ANKS1B: variants seen among roughly 807,000 people sequenced by gnomAD.
The protein encoded by ANKS1B is ankyrin repeat and sterile alpha motif domain containing 1B.
In ANKS1B, 36 loss-of-function variants were observed where a neutral mutation model predicts 148.3. The ratio of observed to expected loss-of-function variants is 0.24; its 90% CI spans 0.19 to 0.32. The LOEUF (loss-of-function observed/expected upper bound fraction) is 0.32, where lower values mean the gene tolerates loss of function less well. ANKS1B is among the 10% of genes least tolerant of loss of function. The pLI is 1.00. For synonymous variants in ANKS1B, 542 were observed against 560.8 expected, an observed-to-expected ratio of 0.97 and a Z score of 0.47; for missense variants, 1,157 against 1,542.6, an observed-to-expected ratio of 0.75 and a Z score of 4.19.
chr12:99,829,295 G>A (rs1056337371), intron 1 of ANKS1B, among the ~76,000 whole-genome samples: 2 of 152,090 alleles, frequency 1.3e-5, no homozygotes, highest in African/African-American at 2.4e-5. Context: ...TGGATTACCC[G>A]AGTGAGGTCA....
chr12:99,625,812 TAAGAA>T (rs967539950), intron 9 of ANKS1B, among the ~76,000 whole-genome samples: 2 of 152,010 alleles, frequency 1.3e-5, no homozygotes, highest in Admixed American at 1.3e-4. Flanking sequence ...CAGAGAGTAG[TAAGAA>T]AAGAAATGGA....
At chr12:99,410,753 A>AT (rs1225473601) in intron 11 of ANKS1B, among the ~76,000 whole-genome samples, 1 of 152,256 alleles carries the variant, frequency 6.6e-6, no homozygotes, top group Non-Finnish European at 1.5e-5. Flanking sequence ...AACGACTGTG[A>AT]TTGAATCAGG....
Position 98,745,565 on chromosome 12 carries a change from C to T in ANKS1B, c.*174G>A. ...GACTGGAAAGTCTTGCGTTTTCCAT[C>T]ACTGGTGCAGAAAGAACTTCCCCAG... On this transcript the variant is annotated 3_prime_UTR_variant, in exon 27 of 27. Coordinates refer to ENST00000683438, the MANE Select transcript of ANKS1B (RefSeq NM_001352186.2). The T allele has an allele frequency of 7.2e-7, 1 of 1,383,646 alleles. No homozygotes were observed. 85.7% of individuals were successfully genotyped at this position (1,383,646 alleles called of 1,614,324 possible).
chr12:99,827,775 TCA>T (rs748692349), intron 1 of ANKS1B, among the ~76,000 whole-genome samples: 3 of 152,090 alleles, frequency 2.0e-5, no homozygotes, highest in African/African-American at 4.8e-5. Flanking sequence ...CAACCAGAAT[TCA>T]CACACACACT....
intron 2 of ANKS1B, among the ~76,000 whole-genome samples, chr12:99,816,522 G>A (rs1209854467): frequency 1.3e-5 from 2 of 151,254 alleles, no homozygotes; most frequent in East Asian, 1.9e-4. Flanking sequence ...GTTTAAATGT[G>A]CTTATTTTAA....
At chr12:99,528,258 A>G (rs1449695773) in intron 9 of ANKS1B, among the ~76,000 whole-genome samples, 1 of 152,084 alleles carries the variant, frequency 6.6e-6, no homozygotes, top group Non-Finnish European at 1.5e-5. Context: ...TAAAACCTAA[A>G]TCCATAAAAA....
chr12:98,894,582 C>T (rs2099759730), intron 17 of ANKS1B: 3 of 985,404 alleles, frequency 3.0e-6, no homozygotes, highest in Admixed American at 6.1e-5. Flanking sequence ...AGCCACGTCT[C>T]GGCGAGCGGG....
chr12:99,328,352 A>C (rs1023771626), intron 12 of ANKS1B, among the ~76,000 whole-genome samples: 1 of 151,788 alleles, frequency 6.6e-6, no homozygotes, highest in African/African-American at 2.4e-5. Flanking sequence ...CCATAGAGGA[A>C]CTCCCTCGAA....
At chr12:99,595,876 G>A (rs1484068972) in intron 9 of ANKS1B, among the ~76,000 whole-genome samples, 1 of 151,774 alleles carries the variant, frequency 6.6e-6, no homozygotes, top group Non-Finnish European at 1.5e-5. Context: ...ACCAACTTTT[G>A]AAATTACAAC....
intron 7 of ANKS1B, among the ~76,000 whole-genome samples, chr12:99,775,081 A>T (rs2063533783): frequency 6.6e-6 from 1 of 152,130 alleles, no homozygotes; most frequent in South Asian, 2.1e-4. Context: ...AAAATACAGC[A>T]TGGTGACTAT....
chr12:99,669,812 C>T (rs752341292), intron 8 of ANKS1B, among the ~76,000 whole-genome samples: 30 of 152,118 alleles, frequency 2.0e-4, no homozygotes, highest in Non-Finnish European at 4.3e-4. Context: ...TCAGCCTTCC[C>T]CAACTCTAGT....
chr12:99,112,501 G>A (rs1435724854), intron 15 of ANKS1B, among the ~76,000 whole-genome samples: 3 of 151,128 alleles, frequency 2.0e-5, no homozygotes, highest in Admixed American at 1.3e-4. Flanking sequence ...GTTGTTATTA[G>A]TGACATTTAT....
chr12:99,270,466 TCTTG>T (rs2076920097), intron 12 of ANKS1B, among the ~76,000 whole-genome samples: 1 of 152,218 alleles, frequency 6.6e-6, no homozygotes, highest in Admixed American at 6.5e-5. Context: ...ATATTTGTTT[TCTTG>T]CTTATTTTCT....
intron 10 of ANKS1B, among the ~76,000 whole-genome samples, chr12:99,467,403 A>T (rs893039892): frequency 2.0e-5 from 3 of 151,998 alleles, no homozygotes; most frequent in African/African-American, 4.8e-5. Flanking sequence ...CTTTCTCACC[A>T]CTCCTATTCA....
At position 98,889,573 on chromosome 12, in the gene ANKS1B, C is replaced by T. The variant is rs574567400; in HGVS notation, c.2779-57437G>A. ...TGTTGCCAAGACTGGTTTCAAACTC[C>T]GGGGCTCAAGTGATCCACCTGCCTC... On this transcript the variant is annotated intron_variant, in intron 17 of 26. Transcript: ENST00000683438. Among the ~76,000 whole-genome samples, 15 of 152,278 alleles carry T rather than the reference C, an allele frequency of 9.9e-5. No homozygotes were observed. In the South Asian group the frequency reaches 2.3e-3, roughly 23 times the overall value.
intron 1 of ANKS1B, among the ~76,000 whole-genome samples, chr12:99,923,085 G>T (rs1430760303): frequency 6.6e-6 from 1 of 152,134 alleles, no homozygotes; most frequent in African/African-American, 2.4e-5. Flanking sequence ...CAAAGCCAAA[G>T]AAGCATGAAA....
chr12:99,090,351 T>C (rs1378712675), intron 15 of ANKS1B, among the ~76,000 whole-genome samples: 8 of 152,168 alleles, frequency 5.3e-5, no homozygotes, highest in Non-Finnish European at 1.0e-4. Context: ...TAGGAAAATA[T>C]ATTTAAGGAC....
At chr12:99,599,105 G>T (rs1484231929) in intron 9 of ANKS1B, among the ~76,000 whole-genome samples, 1 of 151,950 alleles carries the variant, frequency 6.6e-6, no homozygotes, top group African/African-American at 2.4e-5. Flanking sequence ...AAGGATACAT[G>T]TGATTGCACT....
In ANKS1B at chr12:99,577,173, T is replaced by C. The variant is rs2097527266; in HGVS notation, c.1273-72532A>G. On this transcript the variant is annotated intron_variant, in intron 9 of 26. Coordinates refer to ENST00000683438, the MANE Select transcript of ANKS1B (RefSeq NM_001352186.2). ...TTGATATATTTCCATCCAGTCTTTC[T>C]CTGAGTTTTTTTTACCCAGTTAAGA... 1.3e-5 allele frequency among the ~76,000 whole-genome samples: 2 copies of C among 152,008 alleles called. 1 individual carries two copies.
Sources: allele counts gnomAD v4.1 joint callset (sites outside exome capture counted in the v4.1 genomes callset), GRCh38; gene constraint gnomAD v4.1.1; transcripts MANE v1.5; gene names NCBI Gene and HGNC (gene_info 2026-07-23, HGNC 2026-07-21).